The following CWF19L2 variants were observed in gnomAD, a reference collection of about 807,000 sequenced individuals.
CWF19L2 encodes CWF19 like cell cycle control factor 2.
In CWF19L2, 98 loss-of-function variants were observed where a neutral mutation model predicts 111.7. That is an observed-to-expected ratio of 0.88 (90% CI 0.75 to 1.04). The LOEUF (loss-of-function observed/expected upper bound fraction) is 1.04. Ranked by LOEUF, CWF19L2 falls within the 50% of genes least tolerant of loss-of-function variation. CWF19L2 has a pLI of 0.00. For missense variants in CWF19L2, 1,101 were observed against 1,051.4 expected (o/e 1.05, Z -0.65); for synonymous variants, 351 against 342.9 (o/e 1.02, Z -0.26).
chr11:107,379,781 C>G (rs144487211), intron 12 of CWF19L2, among the ~76,000 whole-genome samples: 1 of 152,026 alleles, frequency 6.6e-6, no homozygotes, highest in African/African-American at 2.4e-5. Flanking sequence ...GATACTCAGC[C>G]GGGCGCGGTG....
intron 2 of CWF19L2, 61 bp from the exon 3 acceptor site, chr11:107,454,633 A>C: frequency 8.7e-7 from 1 of 1,149,580 alleles, no homozygotes; most frequent in East Asian, 3.1e-5. Flanking sequence ...AAAAGGATGT[A>C]TTCTGAGAGA....
At chr11:107,455,275 T>C (rs1385610603) in intron 2 of CWF19L2, among the ~76,000 whole-genome samples, 1 of 152,098 alleles carries the variant, frequency 6.6e-6, no homozygotes, top group Non-Finnish European at 1.5e-5. Flanking sequence ...CTCTAACCCA[T>C]AAATTTACAC....
At chr11:107,430,886 AAGG>A (rs368303518) in intron 7 of CWF19L2, among the ~76,000 whole-genome samples, 1 of 149,656 alleles carries the variant, frequency 6.7e-6, no homozygotes, top group Non-Finnish European at 1.5e-5. Flanking sequence ...ACAAAAAAAA[AAGG>A]AGAATAACTA....
At chr11:107,406,482 A>G (rs760057756) in intron 10 of CWF19L2, among the ~76,000 whole-genome samples, 3 of 152,234 alleles carry the variant, frequency 2.0e-5, no homozygotes, top group African/African-American at 4.8e-5. Flanking sequence ...CTACACTCTG[A>G]TAACTGAGAT....
chr11:107,372,846 T>C (rs1860532649), intron 12 of CWF19L2, among the ~76,000 whole-genome samples: 1 of 130,058 alleles, frequency 7.7e-6, no homozygotes, highest in Non-Finnish European at 1.6e-5. Context: ...ATTTGTGCAT[T>C]TCCATCTGAG....
chr11:107,394,659 T>C (rs971326909), intron 10 of CWF19L2, among the ~76,000 whole-genome samples: 2 of 152,170 alleles, frequency 1.3e-5, no homozygotes, highest in African/African-American at 4.8e-5. Flanking sequence ...ATCTAACACC[T>C]GCCTTGTATA....
chr11:107,374,871 A>C (rs1322533960), intron 12 of CWF19L2, among the ~76,000 whole-genome samples: 2 of 151,716 alleles, frequency 1.3e-5, no homozygotes, highest in Non-Finnish European at 1.5e-5. Context: ...GTATTCAGGA[A>C]ACCCATCTCA....
chr11:107,390,670 A>C (rs1860833879), intron 11 of CWF19L2, among the ~76,000 whole-genome samples: 1 of 152,198 alleles, frequency 6.6e-6, no homozygotes, highest in African/African-American at 2.4e-5. Context: ...TTGAAATCTC[A>C]GTATGAAGGT....
In CWF19L2 at chr11:107,347,681, T is replaced by C. The variant is rs569857758; in HGVS notation, c.2202+1256A>G. The stretch of plus-strand genomic sequence containing the variant: ...CTATACTAGAAATACACCACATATT[T>C]TGGCAGAATTAATGAATTACTTGAT... On this transcript the variant is annotated intron_variant, in intron 14 of 17. Transcript: ENST00000282251. Among the ~76,000 whole-genome samples, 3 of 152,296 alleles carry C rather than the reference T, an allele frequency of 2.0e-5. No individual in the cohort carries two copies. The South Asian group carries it at 6.2e-4, about 32-fold the overall frequency.
At chr11:107,427,908 C>T (rs945126901) in intron 8 of CWF19L2, among the ~76,000 whole-genome samples, 1 of 152,062 alleles carries the variant, frequency 6.6e-6, no homozygotes, top group Admixed American at 6.6e-5. Flanking sequence ...GTTTTATAAT[C>T]CACTGCTTCA....
intron 6 of CWF19L2, among the ~76,000 whole-genome samples, chr11:107,438,796 G>T (rs1413218941): frequency 6.6e-6 from 1 of 152,138 alleles, no homozygotes; most frequent in African/African-American, 2.4e-5. Context: ...TGTAATCCTT[G>T]CACTTTGGCA....
rs1257301539 is a variant in CWF19L2, at chr11:107,396,769, G to A, written c.1618-3874C>T. On this transcript the variant is annotated intron_variant, in intron 10 of 17. Transcript: ENST00000282251. ...ACTGTAAGAACAAACCAGCAATCCC[G>A]AGAGGACCCACAGACCCTCTCTGAA... Among the ~76,000 whole-genome samples, 4 of 152,184 alleles carry A rather than the reference G, an allele frequency of 2.6e-5. No homozygotes were observed. In the South Asian group the frequency reaches 6.2e-4, roughly 24 times the overall value.
At chr11:107,383,344 C>T (rs527783770) in intron 12 of CWF19L2, among the ~76,000 whole-genome samples, 3 of 152,200 alleles carry the variant, frequency 2.0e-5, no homozygotes, top group African/African-American at 7.2e-5. Context: ...TAGAGGACAT[C>T]TTGCCAGTGT....
At chr11:107,384,806 A>G (rs773141363) in intron 12 of CWF19L2, among the ~76,000 whole-genome samples, 1 of 152,184 alleles carries the variant, frequency 6.6e-6, no homozygotes, top group Non-Finnish European at 1.5e-5. Flanking sequence ...CTGTTTAATG[A>G]CTTTAAACTA....
chr11:107,378,437 G>A (rs373811705), intron 12 of CWF19L2, among the ~76,000 whole-genome samples: 20 of 151,880 alleles, frequency 1.3e-4, no homozygotes, highest in South Asian at 1.0e-3. Flanking sequence ...CTATGCAGCC[G>A]TAAAAAATGA....
intron 12 of CWF19L2, among the ~76,000 whole-genome samples, chr11:107,378,618 G>C (rs1860632466): frequency 6.6e-6 from 1 of 152,132 alleles, no homozygotes; most frequent in African/African-American, 2.4e-5. Flanking sequence ...GGACTGTTGT[G>C]GGGTGGAGGG....
In CWF19L2 at chr11:107,388,006, C is replaced by T. The variant is rs1333864371; in HGVS notation, c.1872+2068G>A. On this transcript the variant is annotated intron_variant, in intron 12 of 17. Coordinates refer to ENST00000282251, the MANE Select transcript of CWF19L2 (RefSeq NM_152434.3). ...CTTTTTGCAGTCTCTTGATGTTCTTCAAGCTTGTCTCTGCTTCAGATCCTT... is the reference window on the plus strand; with the variant it reads ...CTTTTTGCAGTCTCTTGATGTTCTTTAAGCTTGTCTCTGCTTCAGATCCTT... 2.0e-5 allele frequency among the ~76,000 whole-genome samples: 3 copies of T among 152,162 alleles called. No homozygotes were observed. In the East Asian group the frequency reaches 5.8e-4, roughly 29 times the overall value.
In CWF19L2 at chr11:107,429,171, C is replaced by G; in HGVS notation, c.1061G>C (p.Arg354Thr). The G allele has an allele frequency of 1.2e-6, 2 of 1,613,780 alleles. No individual in the cohort carries two copies. The highest frequency in any genetic ancestry group is 1.7e-6 in the Non-Finnish European group (2 of 1,179,800). Residue 354 changes from arginine to threonine, a missense_variant, in exon 8 of 18, where the codon AGG (arginine) becomes ACG (threonine). By Grantham distance (71) the Arg-to-Thr change is moderately conservative. Transcript: ENST00000282251. ...LETCRRESNP[R>T]QNQEFSFGNL... is the part of the protein sequence containing the mutation. ...GCCAAAAGAAAACTCTTGATTTTGCCTTGGGTTAGATTCTCTTCTACACGT... is the reference window on the plus strand; with the variant it reads ...GCCAAAAGAAAACTCTTGATTTTGCGTTGGGTTAGATTCTCTTCTACACGT...
intron 10 of CWF19L2, among the ~76,000 whole-genome samples, chr11:107,411,057 TAA>T: frequency 6.7e-6 from 1 of 148,724 alleles, no homozygotes; most frequent in Non-Finnish European, 1.5e-5. Flanking sequence ...TATGCTTTTA[TAA>T]GAGTGTGGTG....
Sources: allele counts gnomAD v4.1 joint callset (sites outside exome capture counted in the v4.1 genomes callset), GRCh38; gene constraint gnomAD v4.1.1; transcripts MANE v1.5; gene names NCBI Gene and HGNC (gene_info 2026-07-23, HGNC 2026-07-21).